The following AMBRA1 variants were observed in gnomAD, a reference collection of about 807,000 sequenced individuals.
AMBRA1 encodes activating molecule in BECN1-regulated autophagy protein 1.
AMBRA1 carries 47 observed loss-of-function variants against 125.4 expected under a neutral mutation model. The ratio of observed to expected loss-of-function variants is 0.37; its 90% CI spans 0.30 to 0.48. AMBRA1 has a LOEUF of 0.48. Among genes scored for constraint, AMBRA1 ranks in the 20% least tolerant of loss-of-function variants. AMBRA1 has a pLI of 0.99. For synonymous variants in AMBRA1, 626 were observed against 655.5 expected (o/e 0.95, Z 0.69); for missense variants, 1,331 against 1,693.4 (o/e 0.79, Z 3.76).
intron 9 of AMBRA1, among the ~76,000 whole-genome samples, chr11:46,505,532 G>A (rs1306694653): frequency 6.6e-6 from 1 of 152,048 alleles, no homozygotes; most frequent in East Asian, 1.9e-4. Flanking sequence ...ACCCCAGAAG[G>A]GACTTTCCAA....
At chr11:46,581,782 A>G (rs958417211) in intron 1 of AMBRA1, among the ~76,000 whole-genome samples, 3 of 145,644 alleles carry the variant, frequency 2.1e-5, no homozygotes, top group Non-Finnish European at 4.5e-5. Context: ...CCTGGGCTAC[A>G]GAGCAAAACT....
intron 7 of AMBRA1, among the ~76,000 whole-genome samples, chr11:46,513,604 T>C (rs1417794706): frequency 2.0e-5 from 3 of 152,152 alleles, no homozygotes; most frequent in Admixed American, 1.3e-4. Context: ...TATTAAGAGA[T>C]AGTAACAGGA....
Position 46,397,568 on chromosome 11 carries a change from A to G in AMBRA1, c.3779T>C (p.Leu1260Pro). ...SSSPVPIPVS[L>P]PSAEGPTLHC... is the part of the protein sequence containing the mutation. ...GAGGGTTGGTCCCTCAGCGCTGGGA[A>G]GGGAAACAGGAATGGGGACAGGGGA... The change falls in exon 18 of 18, where the codon CTT becomes CCT. Residue 1260 changes from leucine (L) to proline (P), a missense_variant. This residue lies in a region of AMBRA1 where 144 missense variants were observed against 133.9 expected (regional missense o/e 1.08). Transcript: ENST00000683756. The G allele has an allele frequency of 1.3e-6, 2 of 1,579,046 alleles. No homozygotes were observed. Among genetic ancestry groups the G allele is most frequent in the Non-Finnish European group, 1.7e-6 (2 of 1,160,210 alleles).
rs894033321 is a variant in AMBRA1 at position 46,518,064 on chromosome 11, A to C, written c.2073-5251T>G. Reference sequence around the variant, plus strand: ...GTTTGAAATTATTTCAAAATGAAAAACAAAAACATACAACACACAAAAATC... The same window carrying C: ...GTTTGAAATTATTTCAAAATGAAAACCAAAAACATACAACACACAAAAATC... On this transcript the variant is annotated intron_variant, in intron 7 of 17. Transcript: ENST00000683756. 5 of 957,022 alleles carry C rather than the reference A, an allele frequency of 5.2e-6. No homozygotes were observed. In the East Asian group the frequency reaches 5.7e-4, roughly 110 times the overall value. 59.3% of individuals were successfully genotyped at this position (957,022 alleles called of 1,614,324 possible).
At chr11:46,569,440 A>AATATATAT (rs1243484151) in intron 1 of AMBRA1, among the ~76,000 whole-genome samples, 4 of 131,372 alleles carry the variant, frequency 3.0e-5, no homozygotes, top group African/African-American at 1.2e-4. Context: ...AAAAAAAAAA[A>AATATATAT]ATATATATAT....
At chr11:46,479,520 A>C (rs1225573182) in intron 11 of AMBRA1, among the ~76,000 whole-genome samples, 1 of 152,146 alleles carries the variant, frequency 6.6e-6, no homozygotes, top group Non-Finnish European at 1.5e-5. Context: ...AACATGGTGA[A>C]ACCCTGTCTC....
intron 1 of AMBRA1, among the ~76,000 whole-genome samples, chr11:46,577,722 G>A (rs139063793): frequency 1.3e-5 from 2 of 151,996 alleles, no homozygotes; most frequent in Admixed American, 6.6e-5. Context: ...AGGCCGAGGC[G>A]GGCAGATCAC....
chr11:46,407,754 T>C lies in AMBRA1; in HGVS notation c.3403+759A>G, dbSNP rs1453065638. 3.9e-5 allele frequency among the ~76,000 whole-genome samples: 6 copies of C among 152,194 alleles called. No homozygotes were observed. In the East Asian group the frequency reaches 1.2e-3, roughly 29 times the overall value. ...GCCTGACGTGCACCGTGGCTTTTCC[T>C]CCCATGGTCTCTTCTGGGCAAATGG... is the stretch of plus-strand genomic sequence containing the variant. On this transcript the variant is annotated intron_variant, in intron 17 of 17. Transcript: ENST00000683756.
intron 7 of AMBRA1, among the ~76,000 whole-genome samples, chr11:46,522,970 T>C (rs774347827): frequency 2.6e-5 from 4 of 152,162 alleles, no homozygotes; most frequent in Non-Finnish European, 5.9e-5. Context: ...AGTTAGTACG[T>C]GAAGCCTCAA....
At chr11:46,407,354 G>A (rs1946074070) in intron 17 of AMBRA1, among the ~76,000 whole-genome samples, 1 of 152,236 alleles carries the variant, frequency 6.6e-6, no homozygotes, top group African/African-American at 2.4e-5. Flanking sequence ...GCTCCATTGA[G>A]AAGCCCGTGG....
chr11:46,425,982 T>C (rs1347007019), intron 14 of AMBRA1, among the ~76,000 whole-genome samples: 1 of 146,554 alleles, frequency 6.8e-6, no homozygotes, highest in Non-Finnish European at 1.5e-5. Context: ...CCGTCTCTAC[T>C]AAAAATACAA....
At chr11:46,476,059 A>G (rs1398473970) in intron 11 of AMBRA1, among the ~76,000 whole-genome samples, 1 of 152,190 alleles carries the variant, frequency 6.6e-6, no homozygotes, top group Non-Finnish European at 1.5e-5. Flanking sequence ...AAAGGTGGAG[A>G]GCTGCACTCA....
At chr11:46,543,881 T>A in intron 6 of AMBRA1, 94 bp downstream of exon 6, 1 of 1,027,772 alleles carries the variant, frequency 9.7e-7, no homozygotes, top group Non-Finnish European at 1.5e-6. Flanking sequence ...GACTTGGGTA[T>A]TGAGAATTAA....
At chr11:46,587,331 G>A (rs933126500) in intron 1 of AMBRA1, among the ~76,000 whole-genome samples, 1 of 152,100 alleles carries the variant, frequency 6.6e-6, no homozygotes, top group Non-Finnish European at 1.5e-5. Flanking sequence ...AGTGAGCCAA[G>A]ATTGCACCAC....
chr11:46,400,061 C>G (rs1483143199), intron 17 of AMBRA1, among the ~76,000 whole-genome samples: 1 of 152,148 alleles, frequency 6.6e-6, no homozygotes, highest in East Asian at 1.9e-4. Context: ...AACTTGGGGT[C>G]TGCAGCAGTG....
At chr11:46,555,441 G>A (rs2043133817) in intron 1 of AMBRA1, among the ~76,000 whole-genome samples, 1 of 152,126 alleles carries the variant, frequency 6.6e-6, no homozygotes, top group Non-Finnish European at 1.5e-5. Context: ...CTGCTTCATA[G>A]GGTTGTTATG....
chr11:46,554,691 A>C (rs1487135806), intron 1 of AMBRA1, among the ~76,000 whole-genome samples: 1 of 152,172 alleles, frequency 6.6e-6, no homozygotes, highest in Non-Finnish European at 1.5e-5. Context: ...GAACAAAGGG[A>C]GCTAAGTCAA....
chr11:46,444,957 C>A (rs1196045194), intron 11 of AMBRA1, among the ~76,000 whole-genome samples: 1 of 150,054 alleles, frequency 6.7e-6, no homozygotes, highest in Non-Finnish European at 1.5e-5. Flanking sequence ...AGGAAAAGTA[C>A]AAATAACAGT....
intron 1 of AMBRA1, among the ~76,000 whole-genome samples, chr11:46,549,369 G>A (rs2042920576): frequency 6.6e-6 from 1 of 152,120 alleles, no homozygotes; most frequent in South Asian, 2.1e-4. Context: ...TGAAAGAATG[G>A]TACAATAAAC....
Sources: gnomAD v4.1 joint callset for allele counts (sites outside exome capture counted in the v4.1 genomes callset) on GRCh38, gnomAD v4.1.1 for gene constraint, gnomAD v4.1.1 regional missense constraint, MANE v1.5 for transcripts, NCBI Gene and HGNC (gene_info 2026-07-23, HGNC 2026-07-21) for gene names.